AGFG2: variants seen among roughly 807,000 people sequenced by gnomAD.
AGFG2 encodes the protein arf-GAP domain and FG repeat-containing protein 2.
A neutral mutation model predicts 48.0 loss-of-function variants in AGFG2; 31 were observed. The observed-to-expected ratio is 0.65, with a 90% confidence interval of 0.49 to 0.87. The LOEUF is 0.87. Among genes scored for constraint, AGFG2 ranks in the 40% least tolerant of loss-of-function variants. The pLI is 0.00. For missense variants in AGFG2, 599 were observed against 632.6 expected, an observed-to-expected ratio of 0.95 and a Z score of 0.57; for synonymous variants, 229 against 260.8, an observed-to-expected ratio of 0.88 and a Z score of 1.18.
At chr7:100,551,624 C>T (rs1223953306) in intron 3 of AGFG2, among the ~76,000 whole-genome samples, 1 of 151,644 alleles carries the variant, frequency 6.6e-6, no homozygotes, top group South Asian at 2.1e-4. Context: ...TGGCTCACGC[C>T]TATAATCCCA....
At chr7:100,551,885 C>CAAAA (rs59484677) in intron 3 of AGFG2, among the ~76,000 whole-genome samples, 1 of 16,854 alleles carries the variant, frequency 5.9e-5, no homozygotes, top group Admixed American at 7.1e-4. Context: ...GAGACTGTCT[C>CAAAA]AAAAAAAAAA....
chr7:100,546,160 G>A (rs183135516), intron 1 of AGFG2, among the ~76,000 whole-genome samples: 194 of 143,832 alleles, frequency 1.3e-3, no homozygotes, highest in African/African-American at 4.6e-3. Context: ...CACGTCTGCC[G>A]CCCCCCCCGC....
chr7:100,550,361 C>G, intron 2 of AGFG2, 35 bp from the exon 3 acceptor site: 26 of 820,336 alleles, frequency 3.2e-5, no homozygotes, highest in Non-Finnish European at 4.3e-5. Flanking sequence ...TTCCTGCTTT[C>G]TGCTCCCACT....
intron 6 of AGFG2, chr7:100,556,726 A>G (rs1800766298): frequency 1.0e-6 from 1 of 1,001,726 alleles, no homozygotes; most frequent in Non-Finnish European, 1.3e-6. Flanking sequence ...TTGACAGATA[A>G]GGCAGTTAAG....
At chr7:100,556,601 G>A (rs1220467350) in intron 6 of AGFG2, 1 of 1,289,298 alleles carries the variant, frequency 7.8e-7, no homozygotes, top group South Asian at 1.2e-5. Flanking sequence ...CAGCCAGTCG[G>A]ATGCTAACTG....
intron 1 of AGFG2, among the ~76,000 whole-genome samples, chr7:100,544,998 T>C (rs1196797017): frequency 6.6e-6 from 1 of 152,124 alleles, no homozygotes; most frequent in Non-Finnish European, 1.5e-5. Context: ...TTAGGGACTA[T>C]TAAAAGTTCC....
intron 6 of AGFG2, chr7:100,556,080 C>T (rs1328505685): frequency 3.4e-5 from 8 of 233,068 alleles, no homozygotes; most frequent in Admixed American, 1.4e-4. Flanking sequence ...CTGCATAGTA[C>T]GCTGTCCCAA....
intron 6 of AGFG2, among the ~76,000 whole-genome samples, chr7:100,559,987 C>T (rs1344807712): frequency 2.0e-5 from 3 of 152,186 alleles, no homozygotes; most frequent in African/African-American, 7.2e-5. Flanking sequence ...GCATGGCCTG[C>T]AGCCTCTCTC....
chr7:100,548,543 C>A (rs1800558107), intron 1 of AGFG2, among the ~76,000 whole-genome samples: 1 of 152,102 alleles, frequency 6.6e-6, no homozygotes, highest in Admixed American at 6.5e-5. Flanking sequence ...GAACTCCTGG[C>A]CTCAAGTGAG....
At chr7:100,554,379 C>A in intron 5 of AGFG2, 121 bp downstream of exon 5, 2 of 1,271,316 alleles carry the variant, frequency 1.6e-6, no homozygotes, top group Non-Finnish European at 2.1e-6. Context: ...GAGGGTCACT[C>A]TGAAGCAGTG....
chr7:100,546,680 A>G (rs1800516967), intron 1 of AGFG2, among the ~76,000 whole-genome samples: 2 of 152,198 alleles, frequency 1.3e-5, no homozygotes, highest in African/African-American at 2.4e-5. Context: ...GATCACAGGG[A>G]CAATGAGGTC....
chr7:100,566,813 T>C lies in AGFG2; in HGVS notation c.*1822T>C, dbSNP rs1232025151. ...TTCTCCCCTCTTCGCCACCCTAGATTATCTCTGTGTCCCTCTACCTAATTC... is the reference window on the plus strand; with the variant it reads ...TTCTCCCCTCTTCGCCACCCTAGATCATCTCTGTGTCCCTCTACCTAATTC... On this transcript the variant is annotated 3_prime_UTR_variant, in exon 12 of 12. Transcript: ENST00000300176. The C allele has an allele frequency of 6.6e-6, 1 of 152,314 alleles. No individual in the cohort carries two copies. The highest frequency in any genetic ancestry group is 1.5e-5 in the Non-Finnish European group (1 of 68,132). 9.4% of individuals were successfully genotyped at this position (152,314 alleles called of 1,614,324 possible). A position where few individuals can be genotyped will look rare whatever the true frequency, so the allele number is the denominator to read the frequency against.
chr7:100,565,314 G>A lies in AGFG2; in HGVS notation c.*323G>A, dbSNP rs1366698648. On this transcript the variant is annotated 3_prime_UTR_variant, in exon 12 of 12. Coordinates refer to ENST00000300176, the MANE Select transcript of AGFG2 (RefSeq NM_006076.5). ...AACAGCTCTTCCCTGGGCCTAGCTCGCCAGCGCTGTGCTCCTCATGGACGG... is the reference window on the plus strand; with the variant it reads ...AACAGCTCTTCCCTGGGCCTAGCTCACCAGCGCTGTGCTCCTCATGGACGG... 1.2e-5 allele frequency: 5 copies of A among 409,398 alleles called. No individual in the cohort carries two copies. The highest frequency in any genetic ancestry group is 5.1e-5 in the East Asian group (1 of 19,666). The allele number at this position is 409,398 out of a possible 1,614,324, so 25.4% of individuals were successfully genotyped here.
chr7:100,564,119 C>T (rs756074372), intron 10 of AGFG2, 99 bp from the exon 11 acceptor site: 4 of 1,531,232 alleles, frequency 2.6e-6, no homozygotes, highest in East Asian at 2.3e-5. Flanking sequence ...ACTTCCACTG[C>T]TCTGTTCCCT....
At chr7:100,553,152 A>G (rs982727669) in intron 3 of AGFG2, among the ~76,000 whole-genome samples, 195 bp from the exon 4 acceptor site, 3 of 152,172 alleles carry the variant, frequency 2.0e-5, no homozygotes, top group Non-Finnish European at 2.9e-5. Flanking sequence ...CCCTGTCTCA[A>G]AAAAACCAAA....
chr7:100,540,968 C>T (rs966100750), intron 1 of AGFG2, among the ~76,000 whole-genome samples: 4 of 142,618 alleles, frequency 2.8e-5, no homozygotes, highest in Admixed American at 2.2e-4. Context: ...GCTGAGATTG[C>T]GCCACTGCAC....
chr7:100,554,147 C>T lies in AGFG2; in HGVS notation c.640C>T (p.Pro214Ser). ...TSQARSTQPP[P>S]HSSVKKASTD... ...CCAGGCCCGGAGCACTCAGCCACCTCCCCACTCCTCTGTCAAAAAAGCCAG... is the reference window on the plus strand; with the variant it reads ...CCAGGCCCGGAGCACTCAGCCACCTTCCCACTCCTCTGTCAAAAAAGCCAG... Residue 214 changes from proline (P) to serine (S), a missense_variant, in exon 5 of 12, where the codon CCC becomes TCC. By Grantham distance (74) the Pro-to-Ser change is moderately conservative. Coordinates refer to ENST00000300176, the MANE Select transcript of AGFG2 (RefSeq NM_006076.5). 6.2e-7 allele frequency: 1 copy of T among 1,614,208 alleles called. No homozygotes were observed. The highest frequency in any genetic ancestry group is 1.1e-5 in the South Asian group (1 of 91,082).
chr7:100,542,328 G>T (rs1460061817), intron 1 of AGFG2, among the ~76,000 whole-genome samples: 2 of 152,124 alleles, frequency 1.3e-5, no homozygotes, highest in Non-Finnish European at 2.9e-5. Flanking sequence ...TTAGCTTTTT[G>T]GTAAAGCATT....
chr7:100,556,657 C>T, intron 6 of AGFG2: 1 of 1,284,852 alleles, frequency 7.8e-7, no homozygotes. Context: ...CAGAGCCTAC[C>T]CAAGTGCCTC....
Sources: gnomAD v4.1 joint callset for allele counts (sites outside exome capture counted in the v4.1 genomes callset) on GRCh38, gnomAD v4.1.1 for gene constraint, MANE v1.5 for transcripts, NCBI Gene and HGNC (gene_info 2026-07-23, HGNC 2026-07-21) for gene names.